TMEM131: variants seen among roughly 807,000 people sequenced by gnomAD.
TMEM131 encodes the protein transmembrane protein 131.
Under a neutral mutation model 211.6 loss-of-function variants are expected in TMEM131, and 66 were observed. The observed-to-expected ratio is 0.31, with a 90% CI of 0.26 to 0.38. The LOEUF (loss-of-function observed/expected upper bound fraction) is 0.38. TMEM131 is among the 10% of genes least tolerant of loss of function. TMEM131 has a pLI of 1.00. For synonymous variants in TMEM131, 844 were observed against 841.3 expected, an observed-to-expected ratio of 1.00 and a Z score of -0.06; for missense variants, 2,036 against 2,299.3, an observed-to-expected ratio of 0.89 and a Z score of 2.34.
chr2:97,969,516 T>C (rs1679204593), intron 1 of TMEM131, among the ~76,000 whole-genome samples: 1 of 152,234 alleles, frequency 6.6e-6, no homozygotes, highest in Non-Finnish European at 1.5e-5. Context: ...CAGATGCTAA[T>C]TAATGACACC....
At chr2:97,857,690 A>T (rs978408514) in intron 5 of TMEM131, among the ~76,000 whole-genome samples, 1 of 152,190 alleles carries the variant, frequency 6.6e-6, no homozygotes, top group African/African-American at 2.4e-5. Context: ...GCTATTAGGT[A>T]CAGGCCACTC....
chr2:97,924,613 G>A (rs1448708742), intron 2 of TMEM131, among the ~76,000 whole-genome samples: 1 of 152,196 alleles, frequency 6.6e-6, no homozygotes, highest in Non-Finnish European at 1.5e-5. Flanking sequence ...GCCATCAGTT[G>A]CTGGTGAGGC....
intron 31 of TMEM131, among the ~76,000 whole-genome samples, chr2:97,783,147 C>T (rs1240407452): frequency 1.3e-5 from 2 of 152,026 alleles, no homozygotes; most frequent in African/African-American, 2.4e-5. Context: ...TTAGAAACCA[C>T]GGAGGCTAAA....
At chr2:97,766,030 ACATGCCCCTGAAGAGTTC>A in intron 35 of TMEM131, 66 bp downstream of exon 35, 1 of 1,537,368 alleles carries the variant, frequency 6.5e-7, no homozygotes, top group Non-Finnish European at 8.8e-7. Context: ...TTTTAAAGCA[ACATGCCCCTGAAGAGTTC>A]CATGCCCAGA....
chr2:97,837,991 TTG>T (rs1313231850), intron 7 of TMEM131, among the ~76,000 whole-genome samples: 1 of 152,244 alleles, frequency 6.6e-6, no homozygotes, highest in Non-Finnish European at 1.5e-5. Flanking sequence ...ACATATACTC[TTG>T]TGTCTGGCTT....
At chr2:97,818,241 CA>C (rs1681927991) in intron 12 of TMEM131, among the ~76,000 whole-genome samples, 1 of 152,078 alleles carries the variant, frequency 6.6e-6, no homozygotes, top group Non-Finnish European at 1.5e-5. Context: ...TTTTTGCTCT[CA>C]AATTCAAACA....
chr2:97,767,047 T>G (rs1220398781), intron 33 of TMEM131, among the ~76,000 whole-genome samples: 1 of 152,124 alleles, frequency 6.6e-6, no homozygotes, highest in Non-Finnish European at 1.5e-5. Flanking sequence ...ATCTATAACA[T>G]TAGAGACTCC....
intron 18 of TMEM131, among the ~76,000 whole-genome samples, chr2:97,810,820 C>A (rs1056022023): frequency 1.3e-5 from 2 of 152,134 alleles, no homozygotes; most frequent in African/African-American, 4.8e-5. Context: ...TAACTCAGGA[C>A]ACTCAGCTGG....
intron 22 of TMEM131, 60 bp from the exon 23 acceptor site, chr2:97,802,850 A>G (rs559965232): frequency 2.1e-6 from 3 of 1,399,654 alleles, no homozygotes; most frequent in South Asian, 2.8e-5. Context: ...TTCTGAACAT[A>G]AGAAATTCAA....
rs982235426 is a variant in TMEM131 at position 97,891,288 on chromosome 2, G to A, written c.291-3168C>T. On this transcript the variant is annotated intron_variant, in intron 3 of 40. Coordinates refer to ENST00000186436, the MANE Select transcript of TMEM131 (RefSeq NM_015348.2). ...TTATTATTACTATTTTTGAGAGACA[G>A]GGGTCTCGTTATGTTGCCCAAGCTG... 6.6e-5 allele frequency among the ~76,000 whole-genome samples: 10 copies of A among 152,198 alleles called. No homozygotes were observed. In the South Asian group the frequency reaches 1.9e-3, roughly 28 times the overall value.
chr2:97,848,544 ATGCTATGTAAG>A (rs1683551935), intron 5 of TMEM131, among the ~76,000 whole-genome samples: 1 of 152,230 alleles, frequency 6.6e-6, no homozygotes, highest in African/African-American at 2.4e-5. Context: ...TACAATGTAA[ATGCTATGTAAG>A]TAGTTTATAC....
At chr2:97,764,770 T>A (rs1276044500) in intron 35 of TMEM131, 3 of 152,288 alleles carry the variant, frequency 2.0e-5, no homozygotes, top group Non-Finnish European at 2.9e-5. Context: ...CTGTCATCCT[T>A]TCCCCTCCAC....
chr2:97,811,342 C>G (rs571234014), intron 17 of TMEM131, 110 bp from the exon 18 acceptor site: 1 of 762,304 alleles, frequency 1.3e-6, no homozygotes, highest in East Asian at 2.5e-5. Flanking sequence ...CTAACATATA[C>G]CAGTATGACA....
At chr2:97,870,922 A>G (rs1674465857) in intron 4 of TMEM131, among the ~76,000 whole-genome samples, 1 of 152,240 alleles carries the variant, frequency 6.6e-6, no homozygotes, top group Non-Finnish European at 1.5e-5. Flanking sequence ...GGAATTGAAA[A>G]GCTAAGAGGC....
chr2:97,958,747 A>C (rs1277766199), intron 1 of TMEM131, among the ~76,000 whole-genome samples: 3 of 152,270 alleles, frequency 2.0e-5, no homozygotes, highest in African/African-American at 7.2e-5. Context: ...CTATGCAAGG[A>C]AAAATGCTGA....
At chr2:97,863,399 A>G (rs566974163) in intron 4 of TMEM131, among the ~76,000 whole-genome samples, 5 of 152,324 alleles carry the variant, frequency 3.3e-5, no homozygotes, top group African/African-American at 9.6e-5. Context: ...GACAAATGGG[A>G]TCATATCAAC....
intron 4 of TMEM131, among the ~76,000 whole-genome samples, chr2:97,875,431 C>G (rs961631411): frequency 2.0e-5 from 3 of 152,198 alleles, no homozygotes; most frequent in African/African-American, 4.8e-5. Flanking sequence ...CTCAGCACCA[C>G]ATCACACTTA....
chr2:97,933,921 T>G (rs991059866), intron 1 of TMEM131, among the ~76,000 whole-genome samples: 2 of 152,040 alleles, frequency 1.3e-5, no homozygotes, highest in Non-Finnish European at 2.9e-5. Flanking sequence ...CTAGGTAATA[T>G]CCTTCTTACC....
intron 3 of TMEM131, among the ~76,000 whole-genome samples, chr2:97,903,960 G>A (rs1675963882): frequency 6.6e-6 from 1 of 152,090 alleles, no homozygotes; most frequent in Non-Finnish European, 1.5e-5. Context: ...ACCGTGCCCA[G>A]GCCCATCTGG....
Sources: gnomAD v4.1 joint callset for allele counts (sites outside exome capture counted in the v4.1 genomes callset) on GRCh38, gnomAD v4.1.1 for gene constraint, MANE v1.5 for transcripts, NCBI Gene and HGNC (gene_info 2026-07-23, HGNC 2026-07-21) for gene names.